The following ATRNL1 variants were observed in gnomAD, a reference collection of about 807,000 sequenced individuals.
The protein encoded by ATRNL1 is attractin like 1, also known as attractin-like protein 1.
A neutral mutation model predicts 182.7 loss-of-function variants in ATRNL1; 95 were observed. The ratio of observed to expected loss-of-function variants is 0.52; its 90% CI spans 0.44 to 0.62. The LOEUF (loss-of-function observed/expected upper bound fraction) is 0.62, where lower values mean the gene tolerates loss of function less well. Ranked by LOEUF, ATRNL1 falls within the 20% of genes least tolerant of loss-of-function variation. ATRNL1 has a pLI of 0.00. For missense variants in ATRNL1, 1,471 were observed against 1,679.5 expected, an observed-to-expected ratio of 0.88 and a Z score of 2.17; for synonymous variants, 576 against 568.3, an observed-to-expected ratio of 1.01 and a Z score of -0.19.
At chr10:115,656,934 GT>G (rs782356317) in intron 26 of ATRNL1, among the ~76,000 whole-genome samples, 21 of 151,998 alleles carry the variant, frequency 1.4e-4, no homozygotes, top group Non-Finnish European at 1.3e-4. Context: ...GCTCACATTT[GT>G]TTCAATGTTT....
intron 15 of ATRNL1, among the ~76,000 whole-genome samples, chr10:115,288,087 C>T (rs767541648): frequency 1.7e-4 from 26 of 151,996 alleles, no homozygotes; most frequent in Non-Finnish European, 3.2e-4. Context: ...GAATATTATC[C>T]CCTTACTTAT....
chr10:115,441,839 A>G (rs1338147130), intron 21 of ATRNL1, among the ~76,000 whole-genome samples: 1 of 151,798 alleles, frequency 6.6e-6, no homozygotes, highest in Non-Finnish European at 1.5e-5. Context: ...GATTCCAAAG[A>G]CTTCTTTGAG....
intron 24 of ATRNL1, among the ~76,000 whole-genome samples, chr10:115,482,801 T>C (rs1341118408): frequency 1.3e-5 from 2 of 151,240 alleles, no homozygotes; most frequent in Non-Finnish European, 3.0e-5. Flanking sequence ...CTGTACTGAA[T>C]GTTGTTAGTA....
chr10:115,094,752 C>T lies in ATRNL1; in HGVS notation c.293+709C>T, dbSNP rs556942349. On this transcript the variant is annotated intron_variant, in intron 1 of 28. Transcript: ENST00000355044. ...CAGTAGTAAGGGCCGAGTTATGATT[C>T]CAAATCAGCTGGCACATTCTGGAGC... Among the ~76,000 whole-genome samples the T allele has an allele frequency of 5.3e-5, 8 of 152,250 alleles. No individual in the cohort carries two copies. The South Asian group carries it at 1.7e-3, about 32-fold the overall frequency.
chr10:115,184,409 C>T (rs1184159325), intron 8 of ATRNL1, among the ~76,000 whole-genome samples: 2 of 151,068 alleles, frequency 1.3e-5, no homozygotes, highest in African/African-American at 4.9e-5. Context: ...ACTATATATA[C>T]ACAACTATGT....
intron 26 of ATRNL1, among the ~76,000 whole-genome samples, chr10:115,589,484 G>C (rs760097326): frequency 7.2e-5 from 11 of 152,036 alleles, no homozygotes; most frequent in Non-Finnish European, 1.3e-4. Context: ...TTCAGTATCT[G>C]TTCCTTTGAC....
intron 21 of ATRNL1, among the ~76,000 whole-genome samples, chr10:115,455,203 A>G (rs1343473620): frequency 2.0e-5 from 3 of 152,068 alleles, no homozygotes; most frequent in African/African-American, 7.2e-5. Context: ...ATTGATTTGT[A>G]TATGTTGAAC....
intron 16 of ATRNL1, among the ~76,000 whole-genome samples, 200 bp downstream of exon 16, chr10:115,300,447 T>C (rs1350508906): frequency 1.3e-5 from 2 of 152,218 alleles, no homozygotes; most frequent in African/African-American, 4.8e-5. Context: ...GCAAACTTTG[T>C]TGGTTCAAAT....
intron 27 of ATRNL1, among the ~76,000 whole-genome samples, chr10:115,841,387 GTGTGTGTT>G (rs1950805557): frequency 6.6e-6 from 1 of 152,104 alleles, no homozygotes; most frequent in African/African-American, 2.4e-5. Flanking sequence ...ACATATGAGT[GTGTGTGTT>G]TGTGTACATG....
intron 19 of ATRNL1, among the ~76,000 whole-genome samples, chr10:115,369,808 G>A (rs1169218064): frequency 6.6e-6 from 1 of 152,022 alleles, no homozygotes; most frequent in African/African-American, 2.4e-5. Flanking sequence ...GTTTTAATTT[G>A]CTATTCCCTG....
chr10:115,898,116 C>T (rs1046833779), intron 28 of ATRNL1, among the ~76,000 whole-genome samples: 3 of 151,944 alleles, frequency 2.0e-5, no homozygotes, highest in African/African-American at 7.3e-5. Context: ...TTAGCAGAGA[C>T]GGGGTTCACC....
At position 115,656,667 on chromosome 10, in the gene ATRNL1, A is replaced by G. The variant is rs540297451; in HGVS notation, c.3796-70581A>G. ...TAAAATGATTGTAAAATAAAATTTC[A>G]TGAAGTTTACTATAGTCATGCAAGT... is the stretch of plus-strand genomic sequence containing the variant. On this transcript the variant is annotated intron_variant, in intron 26 of 28. Transcript: ENST00000355044. Among the ~76,000 whole-genome samples, 16 of 152,358 alleles carry G rather than the reference A, an allele frequency of 1.1e-4. No homozygotes were observed. The South Asian group carries it at 2.7e-3, about 26-fold the overall frequency.
chr10:115,907,282 T>C (rs2134509339), intron 28 of ATRNL1, among the ~76,000 whole-genome samples: 1 of 152,360 alleles, frequency 6.6e-6, no homozygotes, highest in East Asian at 1.9e-4. Context: ...TTGGTAATAA[T>C]TTAGCTCCAG....
chr10:115,630,717 A>G (rs2133828751), intron 26 of ATRNL1, among the ~76,000 whole-genome samples: 1 of 147,910 alleles, frequency 6.8e-6, no homozygotes, highest in African/African-American at 2.5e-5. Flanking sequence ...TATTGAATAG[A>G]TATTTAATAG....
intron 24 of ATRNL1, among the ~76,000 whole-genome samples, chr10:115,478,235 C>G (rs1387279525): frequency 6.6e-6 from 1 of 151,684 alleles, no homozygotes; most frequent in Non-Finnish European, 1.5e-5. Flanking sequence ...GGTCAGGAAT[C>G]TGGGCATGAG....
At chr10:115,532,349 C>T (rs1851647447) in intron 25 of ATRNL1, among the ~76,000 whole-genome samples, 1 of 152,084 alleles carries the variant, frequency 6.6e-6, no homozygotes, top group Non-Finnish European at 1.5e-5. Context: ...CTTCACATCC[C>T]TTGTAAGTTG....
chr10:115,890,103 T>C (rs1266757384), intron 28 of ATRNL1, among the ~76,000 whole-genome samples: 1 of 152,188 alleles, frequency 6.6e-6, no homozygotes, highest in Non-Finnish European at 1.5e-5. Context: ...CTTAGTTTTA[T>C]GTACAGTACA....
intron 8 of ATRNL1, among the ~76,000 whole-genome samples, chr10:115,179,035 A>G (rs1847644791): frequency 6.6e-6 from 1 of 152,096 alleles, no homozygotes; most frequent in Non-Finnish European, 1.5e-5. Flanking sequence ...AATGCTTGAT[A>G]AATATTTGTG....
rs1555099354 is a variant in ATRNL1, at chr10:115,847,969, T to C, written c.3996T>C (p.Gly1332=). Residue 1332 remains glycine (G), a synonymous_variant, in exon 28 of 29, where the codon GGT becomes GGC. Transcript: ENST00000355044. Reference sequence around the variant, plus strand: ...TTTGTCTACCACGAGGATCATCAGGTGCCCCTCCCCCTGGGCAGTCAGGTA... The same window carrying C: ...TTTGTCTACCACGAGGATCATCAGGCGCCCCTCCCCCTGGGCAGTCAGGTA... The part of the protein sequence containing the change: ...VFLCLPRGSS[G]APPPGQSGLA... 5 of 1,609,040 alleles carry C rather than the reference T, an allele frequency of 3.1e-6. No homozygotes were observed. In the South Asian group the frequency reaches 5.5e-5, roughly 18 times the overall value.
Sources: gnomAD v4.1 joint callset for allele counts (sites outside exome capture counted in the v4.1 genomes callset) on GRCh38, gnomAD v4.1.1 for gene constraint, MANE v1.5 for transcripts, NCBI Gene and HGNC (gene_info 2026-07-23, HGNC 2026-07-21) for gene names.